Variants in MAGI2 observed in about 807,000 individuals in gnomAD.
The protein encoded by MAGI2 is membrane-associated guanylate kinase, WW and PDZ domain-containing protein 2.
In MAGI2, 35 loss-of-function variants were observed where a neutral mutation model predicts 133.3. That is an observed-to-expected ratio of 0.26 (90% CI 0.20 to 0.35). MAGI2 has a LOEUF of 0.35. Among genes scored for constraint, MAGI2 ranks in the 10% least tolerant of loss-of-function variants. MAGI2 has a pLI of 1.00. For missense variants in MAGI2, 1,636 were observed against 1,863.4 expected (o/e 0.88, Z 2.25); for synonymous variants, 729 against 710.6 (o/e 1.03, Z -0.41).
chr7:78,626,184 TTAA>T (rs1422742776), intron 3 of MAGI2, among the ~76,000 whole-genome samples: 1 of 152,160 alleles, frequency 6.6e-6, no homozygotes, highest in Non-Finnish European at 1.5e-5. Flanking sequence ...ATCTTTCAAC[TTAA>T]TAATAGCATC....
chr7:78,599,946 C>T (rs1805013519), intron 3 of MAGI2, among the ~76,000 whole-genome samples: 1 of 152,184 alleles, frequency 6.6e-6, no homozygotes, highest in African/African-American at 2.4e-5. Flanking sequence ...GGTGCCTCTT[C>T]CTGTATCCAC....
intron 2 of MAGI2, among the ~76,000 whole-genome samples, chr7:78,984,176 T>A (rs1805039387): frequency 6.6e-6 from 1 of 151,982 alleles, no homozygotes. Flanking sequence ...ATCCAAAATC[T>A]GACCACCTCC....
At chr7:79,327,073 C>T (rs1349235516) in intron 1 of MAGI2, among the ~76,000 whole-genome samples, 1 of 152,110 alleles carries the variant, frequency 6.6e-6, no homozygotes, top group African/African-American at 2.4e-5. Context: ...ACAGTGCAGA[C>T]TCTGGAGCCA....
intron 1 of MAGI2, among the ~76,000 whole-genome samples, chr7:79,347,528 C>A (rs900044759): frequency 6.6e-6 from 1 of 151,776 alleles, no homozygotes; most frequent in African/African-American, 2.4e-5. Context: ...TTTAACTAGG[C>A]CTATGTTACA....
At chr7:78,393,700 C>G (rs1007003921) in intron 6 of MAGI2, among the ~76,000 whole-genome samples, 3 of 152,180 alleles carry the variant, frequency 2.0e-5, no homozygotes, top group African/African-American at 4.8e-5. Context: ...GAGACATTGA[C>G]AAGGAAGAAC....
At chr7:78,835,898 G>A (rs774527948) in intron 2 of MAGI2, among the ~76,000 whole-genome samples, 7 of 152,264 alleles carry the variant, frequency 4.6e-5, no homozygotes, top group East Asian at 1.9e-4. Flanking sequence ...TATGTTGGCC[G>A]TGGGTCAGCT....
intron 9 of MAGI2, among the ~76,000 whole-genome samples, chr7:78,341,886 G>A (rs1257035261): frequency 6.6e-6 from 1 of 152,154 alleles, no homozygotes; most frequent in African/African-American, 2.4e-5. Context: ...ATACCATTCA[G>A]GACATAGGCA....
At chr7:78,131,079 G>A (rs1393581566) in intron 18 of MAGI2, among the ~76,000 whole-genome samples, 1 of 152,226 alleles carries the variant, frequency 6.6e-6, no homozygotes, top group Non-Finnish European at 1.5e-5. Flanking sequence ...ACAGTGGCAA[G>A]AAGAGTCTGA....
intron 17 of MAGI2, 80 bp from the exon 18 acceptor site, chr7:78,133,140 T>G: frequency 1.7e-6 from 2 of 1,204,140 alleles, no homozygotes. Flanking sequence ...GCAGTGACTT[T>G]GCCTCTGCTG....
intron 3 of MAGI2, among the ~76,000 whole-genome samples, chr7:78,553,343 GA>G (rs1177633525): frequency 2.0e-5 from 3 of 152,042 alleles, no homozygotes; most frequent in Non-Finnish European, 4.4e-5. Context: ...TCTCATCAAT[GA>G]AATAAATATG....
intron 1 of MAGI2, among the ~76,000 whole-genome samples, chr7:79,370,062 A>G (rs1264815034): frequency 6.6e-6 from 1 of 152,146 alleles, no homozygotes; most frequent in Admixed American, 6.5e-5. Flanking sequence ...GGTAATCATA[A>G]TACAATTGGA....
chr7:78,922,822 G>T (rs1423183108), intron 2 of MAGI2, among the ~76,000 whole-genome samples: 1 of 150,362 alleles, frequency 6.7e-6, no homozygotes, highest in Non-Finnish European at 1.5e-5. Flanking sequence ...GTGTAAAAGT[G>T]TTCCTATTTC....
chr7:78,543,228 G>T (rs1798554798), intron 3 of MAGI2, among the ~76,000 whole-genome samples: 1 of 152,124 alleles, frequency 6.6e-6, no homozygotes, highest in African/African-American at 2.4e-5. Context: ...GAGAGAAAAA[G>T]GAACTTTGAA....
At chr7:78,268,002 C>T (rs1170514876) in intron 9 of MAGI2, among the ~76,000 whole-genome samples, 1 of 152,100 alleles carries the variant, frequency 6.6e-6, no homozygotes, top group Non-Finnish European at 1.5e-5. Flanking sequence ...TGCCCCCTCC[C>T]TCTGTACGAC....
chr7:78,189,919 C>T (rs570702251), intron 12 of MAGI2, among the ~76,000 whole-genome samples: 26 of 152,160 alleles, frequency 1.7e-4, no homozygotes, highest in Non-Finnish European at 3.8e-4. Context: ...CATAAGATTC[C>T]AAAGTGAGCA....
intron 1 of MAGI2, among the ~76,000 whole-genome samples, chr7:79,016,562 C>A (rs578150099): frequency 1.9e-4 from 29 of 152,248 alleles, no homozygotes; most frequent in African/African-American, 7.0e-4. Flanking sequence ...TTTGCTGGCA[C>A]GCACTTGTCC....
intron 1 of MAGI2, among the ~76,000 whole-genome samples, chr7:79,435,732 T>C (rs1169945699): frequency 6.6e-6 from 1 of 152,040 alleles, no homozygotes; most frequent in African/African-American, 2.4e-5. Flanking sequence ...ACTACCAACA[T>C]CATTTTTCTC....
At chr7:78,421,705 G>A (rs1798812856) in intron 6 of MAGI2, among the ~76,000 whole-genome samples, 1 of 152,114 alleles carries the variant, frequency 6.6e-6, no homozygotes, top group Non-Finnish European at 1.5e-5. Flanking sequence ...TCAGGAGGCT[G>A]AGGTGGGAGG....
chr7:78,840,551 A>G (rs1442611348), intron 2 of MAGI2, among the ~76,000 whole-genome samples: 1 of 151,974 alleles, frequency 6.6e-6, no homozygotes. Context: ...GTATGATTCA[A>G]TCTATTTAGA....
Sources: gnomAD v4.1 joint callset for allele counts (sites outside exome capture counted in the v4.1 genomes callset) on GRCh38, gnomAD v4.1.1 for gene constraint, MANE v1.5 for transcripts, NCBI Gene and HGNC (gene_info 2026-07-23, HGNC 2026-07-21) for gene names.